SHROOM3: variants seen among roughly 807,000 people sequenced by gnomAD.
SHROOM3 encodes shroom family member 3.
In SHROOM3, 47 loss-of-function variants were observed where a neutral mutation model predicts 138.6. That is an observed-to-expected ratio of 0.34 (90% CI 0.27 to 0.43). The LOEUF (loss-of-function observed/expected upper bound fraction) is 0.43, where lower values mean the gene tolerates loss of function less well. SHROOM3 is among the 20% of genes least tolerant of loss of function. The pLI, the probability that SHROOM3 is intolerant of heterozygous loss-of-function variation, is 1.00. For missense variants in SHROOM3, 2,491 were observed against 2,596.5 expected, an observed-to-expected ratio of 0.96 and a Z score of 0.88; for synonymous variants, 1,062 against 1,063.3, an observed-to-expected ratio of 1.00 and a Z score of 0.02.
chr4:76,669,321 C>CA (rs1718809265), intron 2 of SHROOM3, among the ~76,000 whole-genome samples: 1 of 151,816 alleles, frequency 6.6e-6, no homozygotes, highest in Non-Finnish European at 1.5e-5. Flanking sequence ...CTAAAACAAA[C>CA]AAAAAAAGTA....
intron 1 of SHROOM3, among the ~76,000 whole-genome samples, chr4:76,536,211 T>C (rs1427734148): frequency 6.6e-6 from 1 of 152,188 alleles, no homozygotes; most frequent in Non-Finnish European, 1.5e-5. Context: ...GATGCAAAAC[T>C]GGAAGGAGTA....
intron 3 of SHROOM3, among the ~76,000 whole-genome samples, chr4:76,718,831 T>C (rs111280758): frequency 6.6e-6 from 1 of 152,244 alleles, no homozygotes; most frequent in Admixed American, 6.5e-5. Flanking sequence ...TCATTTGTTT[T>C]GAGGAGTGCA....
rs540632365 is a variant in SHROOM3 at position 76,536,728 on chromosome 4, T to G, written c.169-18881T>G. On this transcript the variant is annotated intron_variant, in intron 1 of 10. Transcript: ENST00000296043. ...AATGTCCTTTTTCTTTTCACTTCTC[T>G]CTCTTATTTTAACTCCTTCCTATCC... Among the ~76,000 whole-genome samples the G allele has an allele frequency of 7.2e-4, 110 of 152,358 alleles. 1 individual carries two copies. Among genetic ancestry groups the G allele is most frequent in the African/African-American group, 2.5e-3 (104 of 41,594 alleles).
chr4:76,630,491 G>A (rs561921965), intron 2 of SHROOM3, among the ~76,000 whole-genome samples: 132 of 152,320 alleles, frequency 8.7e-4, no homozygotes, highest in African/African-American at 2.8e-3. Context: ...AGCCACAGGC[G>A]AAGTCTAGCA....
intron 2 of SHROOM3, among the ~76,000 whole-genome samples, chr4:76,607,465 C>T (rs1448148269): frequency 1.3e-5 from 2 of 152,126 alleles, no homozygotes; most frequent in Non-Finnish European, 2.9e-5. Context: ...TCTTGAATTC[C>T]TTTTGCATCT....
At chr4:76,774,995 G>A (rs1038955153) in intron 10 of SHROOM3, among the ~76,000 whole-genome samples, 2 of 151,750 alleles carry the variant, frequency 1.3e-5, no homozygotes, top group Non-Finnish European at 2.9e-5. Flanking sequence ...GGGAACAGGT[G>A]GTGTTTTGTT....
At position 76,490,925 on chromosome 4, in the gene SHROOM3, T is replaced by C. The variant is rs990738888; in HGVS notation, c.168+54705T>C. On this transcript the variant is annotated intron_variant, in intron 1 of 10. Transcript: ENST00000296043. Reference sequence around the variant, plus strand: ...AAGTCTTTTAACTACAGAGTCAGCTTTCTTAACCACTGGAGCCCATTGGGG... The same window carrying C: ...AAGTCTTTTAACTACAGAGTCAGCTCTCTTAACCACTGGAGCCCATTGGGG... Among the ~76,000 whole-genome samples the C allele has an allele frequency of 5.9e-5, 9 of 152,198 alleles. No individual in the cohort carries two copies. The East Asian group carries it at 1.5e-3, about 26-fold the overall frequency.
intron 2 of SHROOM3, among the ~76,000 whole-genome samples, chr4:76,571,420 GA>G (rs1733830146): frequency 6.6e-6 from 1 of 152,210 alleles, no homozygotes; most frequent in East Asian, 1.9e-4. Context: ...TTGCTTTAAA[GA>G]AAGCACACAC....
At chr4:76,748,009 T>G (rs1335053738) in intron 5 of SHROOM3, among the ~76,000 whole-genome samples, 1 of 152,182 alleles carries the variant, frequency 6.6e-6, no homozygotes, top group African/African-American at 2.4e-5. Context: ...AAAAGTCAAG[T>G]GCCTAATATT....
rs140143532 is a variant in SHROOM3 at position 76,751,022 on chromosome 4, G to A, written c.3827+1932G>A. Among the ~76,000 whole-genome samples the A allele has an allele frequency of 1.6e-3, 240 of 152,270 alleles. 1 individual carries two copies. Among genetic ancestry groups the A allele is most frequent in the African/African-American group, 5.6e-3 (234 of 41,544 alleles). Reference sequence around the variant, plus strand: ...CTGTCCTGGGGAAAAGCATAGGCATGGAAAGTGCAGCCGACAGGAAAACAT... The same window carrying A: ...CTGTCCTGGGGAAAAGCATAGGCATAGAAAGTGCAGCCGACAGGAAAACAT... On this transcript the variant is annotated intron_variant, in intron 6 of 10. Transcript: ENST00000296043.
intron 6 of SHROOM3, among the ~76,000 whole-genome samples, chr4:76,753,348 A>G (rs1721693559): frequency 1.3e-5 from 2 of 152,200 alleles, no homozygotes; most frequent in Admixed American, 1.3e-4. Context: ...TGGCACTTGG[A>G]TGATCTTGTG....
At chr4:76,503,167 C>CCACACACACACACA (rs111393161) in intron 1 of SHROOM3, among the ~76,000 whole-genome samples, 11,998 of 145,770 alleles carry the variant, frequency 0.082, 633 homozygotes, top group African/African-American at 0.14. Flanking sequence ...TTGTCAACTT[C>CCACACACACACACA]CACACACACA....
At chr4:76,715,837 T>C (rs1454236746) in intron 3 of SHROOM3, among the ~76,000 whole-genome samples, 2 of 152,214 alleles carry the variant, frequency 1.3e-5, no homozygotes, top group African/African-American at 2.4e-5. Flanking sequence ...CTTAGGAAGA[T>C]GCGGTGAGAT....
chr4:76,447,884 C>T (rs1270497862), intron 1 of SHROOM3, among the ~76,000 whole-genome samples: 2 of 152,060 alleles, frequency 1.3e-5, no homozygotes, highest in African/African-American at 4.8e-5. Context: ...TAAATTTGAC[C>T]TTTAAGAAGG....
At chr4:76,465,310 T>G (rs1034766687) in intron 1 of SHROOM3, among the ~76,000 whole-genome samples, 2 of 152,188 alleles carry the variant, frequency 1.3e-5, no homozygotes, top group African/African-American at 2.4e-5. Flanking sequence ...TCAAGGAACA[T>G]AATTGTCAGA....
chr4:76,687,201 C>T (rs1028768858), intron 2 of SHROOM3, among the ~76,000 whole-genome samples: 1 of 152,150 alleles, frequency 6.6e-6, no homozygotes, highest in Non-Finnish European at 1.5e-5. Context: ...CCAGACTGGC[C>T]ATGCACACCC....
intron 9 of SHROOM3, among the ~76,000 whole-genome samples, chr4:76,764,857 A>G (rs1722096196): frequency 6.6e-6 from 1 of 152,066 alleles, no homozygotes; most frequent in African/African-American, 2.4e-5. Context: ...GAGCCTCTTG[A>G]TTCTGTAAAT....
At chr4:76,456,156 G>A (rs1731023139) in intron 1 of SHROOM3, among the ~76,000 whole-genome samples, 2 of 152,070 alleles carry the variant, frequency 1.3e-5, no homozygotes, top group Admixed American at 1.3e-4. Flanking sequence ...ACAGGCATGT[G>A]TCACCACTCC....
At chr4:76,468,329 A>G (rs959175558) in intron 1 of SHROOM3, among the ~76,000 whole-genome samples, 1 of 152,224 alleles carries the variant, frequency 6.6e-6, no homozygotes, top group African/African-American at 2.4e-5. Flanking sequence ...TTAACCCAAC[A>G]AGACCACTTT....
Sources: gnomAD v4.1 joint callset for allele counts (sites outside exome capture counted in the v4.1 genomes callset) on GRCh38, gnomAD v4.1.1 for gene constraint, MANE v1.5 for transcripts, NCBI Gene and HGNC (gene_info 2026-07-23, HGNC 2026-07-21) for gene names.